STPG2: variants seen among roughly 807,000 people sequenced by gnomAD.
The protein encoded by STPG2 is sperm-tail PG-rich repeat-containing protein 2.
STPG2 carries 56 observed loss-of-function variants against 54.2 expected under a neutral mutation model. The ratio of observed to expected loss-of-function variants is 1.03; its 90% CI spans 0.83 to 1.29. The LOEUF is 1.29. Among genes scored for constraint, STPG2 ranks in the 50% most tolerant of loss-of-function variants. The pLI is 0.00. For missense variants in STPG2, 596 were observed against 544.9 expected (o/e 1.09, Z -0.93); for synonymous variants, 200 against 181.8 (o/e 1.10, Z -0.81).
intron 9 of STPG2, among the ~76,000 whole-genome samples, chr4:97,739,640 T>C (rs1449514101): frequency 1.3e-5 from 2 of 152,116 alleles, no homozygotes; most frequent in Admixed American, 6.5e-5. Context: ...CCTCGACACA[T>C]ACACCCTCCC....
chr4:97,802,289 T>C (rs1727424973), intron 9 of STPG2, among the ~76,000 whole-genome samples: 1 of 152,076 alleles, frequency 6.6e-6, no homozygotes, highest in Admixed American at 6.6e-5. Flanking sequence ...CAAAACATAT[T>C]CTAGAGAACA....
intron 9 of STPG2, among the ~76,000 whole-genome samples, chr4:97,751,932 A>G (rs1378842): frequency 0.84 from 127,077 of 151,504 alleles, 53,460 homozygotes; most frequent in Middle Eastern, 0.94. Flanking sequence ...CCCACATTGG[A>G]TCCCTATCAC....
intron 5 of STPG2, among the ~76,000 whole-genome samples, chr4:98,063,919 C>CA (rs1301117949): frequency 6.6e-6 from 1 of 151,696 alleles, no homozygotes; most frequent in Non-Finnish European, 1.5e-5. Flanking sequence ...GTGGTGTGCA[C>CA]ATGGGTAACA....
chr4:97,559,727 G>C (rs962372918), intron 10 of STPG2, among the ~76,000 whole-genome samples: 6 of 151,926 alleles, frequency 3.9e-5, no homozygotes, highest in African/African-American at 1.5e-4. Context: ...TTCTACTCTG[G>C]AGTTTTGACC....
At chr4:97,835,841 G>T (rs1356090992) in intron 9 of STPG2, among the ~76,000 whole-genome samples, 1 of 152,074 alleles carries the variant, frequency 6.6e-6, no homozygotes, top group Non-Finnish European at 1.5e-5. Flanking sequence ...GAATTGAGGG[G>T]TTCAAGATTT....
At chr4:97,962,252 G>A (rs544826575) in intron 7 of STPG2, among the ~76,000 whole-genome samples, 62 of 152,204 alleles carry the variant, frequency 4.1e-4, no homozygotes, top group East Asian at 3.5e-3. Context: ...CAAATTGGGT[G>A]CAGTGTATAT....
intron 4 of STPG2, among the ~76,000 whole-genome samples, chr4:97,479,312 G>A (rs977857962): frequency 2.6e-5 from 4 of 151,852 alleles, no homozygotes; most frequent in South Asian, 2.1e-4. Flanking sequence ...CTAAGGTTAA[G>A]GGAGAAAGAT....
intron 10 of STPG2, among the ~76,000 whole-genome samples, chr4:97,671,723 A>C (rs925494657): frequency 8.5e-5 from 13 of 152,144 alleles, no homozygotes; most frequent in African/African-American, 2.9e-4. Flanking sequence ...TGTCACCTAC[A>C]TGTACTTGAA....
intron 10 of STPG2, among the ~76,000 whole-genome samples, chr4:97,694,478 G>T (rs769559284): frequency 6.6e-6 from 1 of 151,732 alleles, no homozygotes; most frequent in Non-Finnish European, 1.5e-5. Context: ...ATGTTGAACA[G>T]ATCAGTAACA....
At chr4:98,106,903 A>C (rs1443754812) in intron 4 of STPG2, among the ~76,000 whole-genome samples, 2 of 152,204 alleles carry the variant, frequency 1.3e-5, no homozygotes, top group Non-Finnish European at 2.9e-5. Flanking sequence ...ATTTCAAAAA[A>C]AATCTGATAC....
intron 8 of STPG2, among the ~76,000 whole-genome samples, chr4:97,932,433 C>T (rs760759139): frequency 2.6e-5 from 4 of 151,996 alleles, no homozygotes; most frequent in Non-Finnish European, 4.4e-5. Flanking sequence ...TAAAAGTGTG[C>T]CATGTTGGCT....
chr4:98,135,078 A>G (rs1361486170), intron 1 of STPG2, among the ~76,000 whole-genome samples: 1 of 151,832 alleles, frequency 6.6e-6, no homozygotes. Context: ...AAAATTCAAG[A>G]TCTGTATTGG....
intron 8 of STPG2, among the ~76,000 whole-genome samples, chr4:97,931,145 T>A (rs1325532872): frequency 1.3e-5 from 2 of 152,232 alleles, no homozygotes; most frequent in Non-Finnish European, 1.5e-5. Flanking sequence ...ATAGTTTGGC[T>A]TCCTCTCTTC....
intron 9 of STPG2, among the ~76,000 whole-genome samples, chr4:97,816,513 C>A (rs538455862): frequency 5.8e-4 from 89 of 152,146 alleles, no homozygotes; most frequent in Admixed American, 7.9e-4. Context: ...TAAAAGCATT[C>A]CTATTTCAGA....
intron 5 of STPG2, among the ~76,000 whole-genome samples, chr4:98,002,835 CA>C (rs1021622252): frequency 7.6e-4 from 116 of 152,006 alleles, no homozygotes; most frequent in African/African-American, 2.7e-3. Flanking sequence ...GTAATTAGTG[CA>C]CATGAAGATC....
intron 10 of STPG2, among the ~76,000 whole-genome samples, chr4:97,706,585 T>TA (rs1375508709): frequency 6.6e-6 from 1 of 152,160 alleles, no homozygotes; most frequent in African/African-American, 2.4e-5. Flanking sequence ...GTTAGTTTGT[T>TA]AAAGCAGCCA....
chr4:98,052,300 G>A (rs1737349099), intron 5 of STPG2, among the ~76,000 whole-genome samples: 1 of 152,038 alleles, frequency 6.6e-6, no homozygotes, highest in Non-Finnish European at 1.5e-5. Context: ...TTGAGATGAG[G>A]AATATACCTG....
At chr4:98,020,230 G>T (rs1392381430) in intron 5 of STPG2, among the ~76,000 whole-genome samples, 1 of 131,060 alleles carries the variant, frequency 7.6e-6, no homozygotes, top group Non-Finnish European at 1.7e-5. Flanking sequence ...AGCATGAAGG[G>T]TTGTTGAATT....
chr4:97,600,274 G>T (rs1379109799), intron 10 of STPG2, among the ~76,000 whole-genome samples: 4 of 152,044 alleles, frequency 2.6e-5, no homozygotes, highest in Non-Finnish European at 4.4e-5. Flanking sequence ...CATGTAAAAA[G>T]AATTTAATTC....
Sources: gnomAD v4.1 joint callset for allele counts (sites outside exome capture counted in the v4.1 genomes callset) on GRCh38, gnomAD v4.1.1 for gene constraint, MANE v1.5 for transcripts, NCBI Gene and HGNC (gene_info 2026-07-23, HGNC 2026-07-21) for gene names.